The following TRIM2 variants were observed in gnomAD, a reference collection of about 807,000 sequenced individuals.
TRIM2 encodes tripartite motif-containing protein 2.
In TRIM2, 20 loss-of-function variants were observed where a neutral mutation model predicts 75.2. That is an observed-to-expected ratio of 0.27 (90% CI 0.19 to 0.39). TRIM2 has a LOEUF of 0.39. TRIM2 is among the 10% of genes least tolerant of loss of function. The pLI, the probability that TRIM2 is intolerant of heterozygous loss-of-function variation, is 1.00. For synonymous variants in TRIM2, 373 were observed against 388.3 expected (o/e 0.96, Z 0.46); for missense variants, 660 against 990.8 (o/e 0.67, Z 4.48).
intron 6 of TRIM2, among the ~76,000 whole-genome samples, chr4:153,306,679 C>G (rs192190974): frequency 2.0e-4 from 31 of 152,322 alleles, no homozygotes; most frequent in Non-Finnish European, 3.5e-4. Flanking sequence ...AATATACTTT[C>G]CATTCCCAAT....
At chr4:153,322,337 G>C (rs1176604647) in intron 8 of TRIM2, among the ~76,000 whole-genome samples, 1 of 152,192 alleles carries the variant, frequency 6.6e-6, no homozygotes, top group Non-Finnish European at 1.5e-5. Context: ...CATGAACCCA[G>C]GAGGTGGAGG....
chr4:153,215,141 CCTAA>C (rs1738127760), intron 1 of TRIM2, among the ~76,000 whole-genome samples: 1 of 152,194 alleles, frequency 6.6e-6, no homozygotes, highest in Non-Finnish European at 1.5e-5. Context: ...CACTAGAACC[CCTAA>C]CTGACATCTT....
At chr4:153,197,250 T>A (rs1294718021) in intron 1 of TRIM2, among the ~76,000 whole-genome samples, 1 of 152,218 alleles carries the variant, frequency 6.6e-6, no homozygotes, top group Non-Finnish European at 1.5e-5. Context: ...CTTAATGGGT[T>A]GTGAGTTAAC....
At chr4:153,230,777 C>T (rs997302409) in intron 1 of TRIM2, among the ~76,000 whole-genome samples, 4 of 152,180 alleles carry the variant, frequency 2.6e-5, no homozygotes, top group African/African-American at 9.7e-5. Flanking sequence ...AATTTACTGG[C>T]CCCTGTGGCA....
At chr4:153,210,058 ATTTTTTTT>A (rs761134144) in intron 1 of TRIM2, among the ~76,000 whole-genome samples, 2 of 107,026 alleles carry the variant, frequency 1.9e-5, no homozygotes, top group African/African-American at 8.1e-5. Flanking sequence ...GGGTGATTTA[ATTTTTTTT>A]TTTTTTTTTT....
intron 6 of TRIM2, chr4:153,308,159 C>T (rs1579563194): frequency 2.4e-6 from 3 of 1,250,886 alleles, no homozygotes; most frequent in African/African-American, 1.5e-5. Flanking sequence ...TCCTCTTCAC[C>T]CCAGCGTCAT....
intron 1 of TRIM2, among the ~76,000 whole-genome samples, chr4:153,249,706 C>T (rs940073428): frequency 1.3e-5 from 2 of 152,236 alleles, no homozygotes; most frequent in Non-Finnish European, 2.9e-5. Context: ...AATCCCAGCC[C>T]TGTAGTCAAA....
At chr4:153,273,632 CAA>C (rs1297509289) in intron 2 of TRIM2, among the ~76,000 whole-genome samples, 1 of 151,970 alleles carries the variant, frequency 6.6e-6, no homozygotes, top group Non-Finnish European at 1.5e-5. Flanking sequence ...AAAACAGCAT[CAA>C]AAGGCTTGAA....
chr4:153,221,969 AG>A (rs1462943018), intron 1 of TRIM2, among the ~76,000 whole-genome samples: 4 of 20,040 alleles, frequency 2.0e-4, no homozygotes, highest in South Asian at 3.4e-3. Flanking sequence ...AGAGGGAGGA[AG>A]GGAGGAAGGA....
intron 8 of TRIM2, among the ~76,000 whole-genome samples, chr4:153,317,472 C>A (rs1314018252): frequency 6.6e-6 from 1 of 150,434 alleles, no homozygotes; most frequent in Admixed American, 6.6e-5. Context: ...CACGGTGAAA[C>A]CCCGTCTCTA....
intron 1 of TRIM2, among the ~76,000 whole-genome samples, chr4:153,268,606 C>T (rs1755878963): frequency 6.6e-6 from 1 of 152,180 alleles, no homozygotes; most frequent in South Asian, 2.1e-4. Context: ...GGGCTCTGGA[C>T]ACCTTACCAA....
chr4:153,311,521 GC>G (rs377339898), intron 6 of TRIM2, among the ~76,000 whole-genome samples: 9 of 152,074 alleles, frequency 5.9e-5, no homozygotes, highest in African/African-American at 1.9e-4. Context: ...CTGTTCAGGT[GC>G]TTTTTAGCCC....
At chr4:153,264,619 C>A (rs1225392048) in intron 1 of TRIM2, among the ~76,000 whole-genome samples, 5 of 152,190 alleles carry the variant, frequency 3.3e-5, no homozygotes, top group African/African-American at 1.2e-4. Context: ...AGACCAGAAA[C>A]TGTGGTAGTG....
intron 1 of TRIM2, among the ~76,000 whole-genome samples, chr4:153,268,198 C>T (rs1403063681): frequency 6.6e-6 from 1 of 152,202 alleles, no homozygotes; most frequent in African/African-American, 2.4e-5. Flanking sequence ...TTTGGTTTTA[C>T]AATAGTTTTG....
intron 1 of TRIM2, among the ~76,000 whole-genome samples, chr4:153,155,554 G>C (rs1299054025): frequency 6.6e-6 from 1 of 152,188 alleles, no homozygotes; most frequent in East Asian, 1.9e-4. Flanking sequence ...GGCTGAGAAG[G>C]ATGGAGTAAG....
chr4:153,316,013 C>T lies in TRIM2; in HGVS notation c.1782+14C>T. On this transcript the variant is annotated intron_variant, in intron 8 of 11. Transcript: ENST00000338700. The stretch of plus-strand genomic sequence containing the variant: ...GGGAAATTTAAGGTAAGATTAACTA[C>T]TAATTGTTCACTAAACAATGGAGAG... The T allele has an allele frequency of 6.5e-6, 10 of 1,542,436 alleles. No homozygotes were observed. The highest frequency in any genetic ancestry group is 8.7e-6 in the Non-Finnish European group (10 of 1,147,754).
chr4:153,200,380 T>G (rs1433111852), upstream of TRIM2, among the ~76,000 whole-genome samples: 1 of 152,226 alleles, frequency 6.6e-6, no homozygotes, highest in Admixed American at 6.5e-5. Context: ...TTTCTTTTTA[T>G]GGCTGAAAAA....
chr4:153,209,638 A>G (rs1473136291), intron 1 of TRIM2, among the ~76,000 whole-genome samples: 2 of 152,214 alleles, frequency 1.3e-5, no homozygotes, highest in Non-Finnish European at 1.5e-5. Context: ...TAGAACTTCA[A>G]TGAAATTCCT....
chr4:153,311,513 G>A (rs1378750921), intron 6 of TRIM2, among the ~76,000 whole-genome samples: 4 of 151,954 alleles, frequency 2.6e-5, no homozygotes, highest in Admixed American at 2.6e-4. Context: ...CATCTATTCT[G>A]TTCAGGTGCT....
Sources: allele counts gnomAD v4.1 joint callset (sites outside exome capture counted in the v4.1 genomes callset), GRCh38; gene constraint gnomAD v4.1.1; transcripts MANE v1.5; gene names NCBI Gene and HGNC (gene_info 2026-07-23, HGNC 2026-07-21).